Variants in PANK4 observed in about 807,000 individuals in gnomAD.
PANK4 encodes the protein 4'-phosphopantetheine phosphatase.
A neutral mutation model predicts 87.9 loss-of-function variants in PANK4; 40 were observed. That is an observed-to-expected ratio of 0.46 (90% confidence interval 0.35 to 0.59). PANK4 has a LOEUF of 0.59. PANK4 is among the 20% of genes least tolerant of loss of function. The probability of loss-of-function intolerance (pLI) is 0.00; values close to 1 mark genes in which losing one functional copy is unlikely to be tolerated. For missense variants in PANK4, 926 were observed against 1,072.3 expected (o/e 0.86, Z 1.90); for synonymous variants, 524 against 467.4 (o/e 1.12, Z -1.56).
intron 12 of PANK4, 42 bp from the exon 13 acceptor site, chr1:2,513,081 C>T: frequency 3.2e-6 from 5 of 1,551,106 alleles, no homozygotes; most frequent in Non-Finnish European, 4.4e-6. Flanking sequence ...GAAGACGTGG[C>T]CTCAGCCCAC....
In PANK4 at chr1:2,511,335, T is replaced by C. The variant is rs1233733202; in HGVS notation, c.1833+3A>G. The C allele has an allele frequency of 6.2e-7, 1 of 1,605,288 alleles. No individual in the cohort carries two copies. Among genetic ancestry groups the C allele is most frequent in the Admixed American group, 1.7e-5 (1 of 59,984 alleles). On this transcript the variant is annotated splice_donor_region_variant and intron_variant, in intron 15 of 18. Coordinates refer to ENST00000378466, the MANE Select transcript of PANK4 (RefSeq NM_018216.4). ...AGCAGAGGTGGGAGGCCCCTCCACA[T>C]ACCTTTAATCTCTGAAGCCACTCGC...
chr1:2,511,501 C>T, intron 14 of PANK4, 114 bp from the exon 15 acceptor site: 2 of 1,104,290 alleles, frequency 1.8e-6, no homozygotes, highest in Non-Finnish European at 2.8e-6. Flanking sequence ...CCCCCGAAGC[C>T]CAGCTGACAG....
rs187317207 is a variant in PANK4 at position 2,521,154 on chromosome 1, G to A, written c.369C>T (p.Thr123=). The A allele has an allele frequency of 1.5e-5, 24 of 1,613,964 alleles. No homozygotes were observed. The highest frequency in any genetic ancestry group is 8.3e-5 in the Admixed American group (5 of 60,032). The change falls in exon 3 of 19, where the codon ACC becomes ACT. Residue 123 remains threonine (T), a synonymous_variant. Transcript: ENST00000378466. ...VNTETKVIQA[T]GGGAYKFKDL... ...CTTTGAACTTGTAGGCCCCGCCCCC[G>A]GTCGCCTGGATGACCTTGGTCTCTG...
At chr1:2,522,167 C>T (rs1250947771) in intron 1 of PANK4, among the ~76,000 whole-genome samples, 1 of 152,214 alleles carries the variant, frequency 6.6e-6, no homozygotes, top group East Asian at 1.9e-4. Context: ...GCTAATGACC[C>T]AAAGCGATAA....
chr1:2,525,067 G>C (rs1166920630), intron 1 of PANK4, among the ~76,000 whole-genome samples: 1 of 152,160 alleles, frequency 6.6e-6, no homozygotes. Flanking sequence ...TGAAAGGTGG[G>C]AGCCAGGACC....
In PANK4 at chr1:2,509,548, GAC is replaced by G. The variant is rs1463936966; in HGVS notation, c.2108+312_2108+313del. 5.9e-5 allele frequency among the ~76,000 whole-genome samples: 9 copies of G among 152,328 alleles called. No homozygotes were observed. The highest frequency in any genetic ancestry group is 2.2e-4 in the African/African-American group (9 of 41,578). ...TGGCATCTATGTGGGACACGGAGGT[GAC>G]AGACACCGGGCAGCTGCCCAGGTCG... is the stretch of plus-strand genomic sequence containing the variant. On this transcript the variant is annotated intron_variant, in intron 18 of 18. Coordinates refer to ENST00000378466, the MANE Select transcript of PANK4 (RefSeq NM_018216.4). The surrounding 1 kb of genome is among the most constrained non-coding windows in gnomAD (Gnocchi z 4.9).
At position 2,511,538 on chromosome 1, in the gene PANK4, C is replaced by T. The variant is rs1643661817; in HGVS notation, c.1783+90G>A. ...GCCTTGAGCAGGGGAGGTGCCTGGA[C>T]CCCGACCGCAACTGCATTCGCTGTT... On this transcript the variant is annotated intron_variant, in intron 14 of 18. Transcript: ENST00000378466. 3.6e-6 allele frequency: 4 copies of T among 1,122,488 alleles called. No individual in the cohort carries two copies. In the East Asian group the frequency reaches 7.1e-5, roughly 20 times the overall value. 69.5% of individuals were successfully genotyped at this position (1,122,488 alleles called of 1,614,324 possible). A position where few individuals can be genotyped will look rare whatever the true frequency, so the allele number is the denominator to read the frequency against.
intron 1 of PANK4, among the ~76,000 whole-genome samples, chr1:2,524,502 T>C (rs552338692): frequency 2.6e-5 from 4 of 152,228 alleles, no homozygotes; most frequent in African/African-American, 7.2e-5. Flanking sequence ...GGGAGAAACT[T>C]TGAAGAGGGG....
chr1:2,517,699 T>A (rs1643806631), intron 9 of PANK4, among the ~76,000 whole-genome samples: 1 of 152,214 alleles, frequency 6.6e-6, no homozygotes, highest in South Asian at 2.1e-4. Context: ...ATCCAAGGAA[T>A]GAGCCGGGAC....
intron 11 of PANK4, 91 bp downstream of exon 11, chr1:2,514,263 G>A: frequency 8.4e-7 from 1 of 1,192,608 alleles, no homozygotes; most frequent in South Asian, 1.2e-5. Context: ...GCGAGCTGGG[G>A]TCCGAATGCC....
chr1:2,520,894 C>T lies in PANK4; in HGVS notation c.435G>A (p.Glu145=), dbSNP rs1643869382. Residue 145 remains glutamate, a synonymous_variant, in exon 4 of 19, where the codon GAG becomes GAA. Transcript: ENST00000378466. The surrounding 1 kb of genome is among the most constrained non-coding windows in gnomAD (Gnocchi z 6.2). ...CCTTAATCAGGCACGTCATCACGTC[C>T]TCCTTGTCGACTCTGAAAAGGAAGC... ...EEKLRLKVDK[E]DVMTCLIKGC... 6.4e-7 allele frequency: 1 copy of T among 1,550,464 alleles called. No homozygotes were observed. Among genetic ancestry groups the T allele is most frequent in the East Asian group, 2.3e-5 (1 of 44,388 alleles).
chr1:2,523,021 G>A (rs1369550923), intron 1 of PANK4, among the ~76,000 whole-genome samples: 1 of 150,498 alleles, frequency 6.6e-6, no homozygotes, highest in Non-Finnish European at 1.5e-5. Flanking sequence ...TTTCTTACAG[G>A]GCCTGACAAA....
chr1:2,511,607 A>G (rs1323898249), intron 14 of PANK4, 21 bp downstream of exon 14: 3 of 1,576,090 alleles, frequency 1.9e-6, no homozygotes, highest in Non-Finnish European at 2.6e-6. Flanking sequence ...GCAAGGCCCC[A>G]AGTTACTTGG....
In PANK4 at chr1:2,517,238, C is replaced by T. The variant is rs1001543455; in HGVS notation, c.1218+926G>A. The stretch of plus-strand genomic sequence containing the variant: ...CGGTGGGAAAGGCAGACCAGGGCTG[C>T]GGCCAGTGTGGTGCGTCTGTGCGAG... On this transcript the variant is annotated intron_variant, in intron 9 of 18. Coordinates refer to ENST00000378466, the MANE Select transcript of PANK4 (RefSeq NM_018216.4). Among the ~76,000 whole-genome samples, 8 of 152,338 alleles carry T rather than the reference C, an allele frequency of 5.3e-5. 1 individual carries two copies. The highest frequency in any genetic ancestry group is 1.9e-4 in the East Asian group (1 of 5,176).
At chr1:2,521,571 A>G (rs901065551) in intron 2 of PANK4, 147 bp downstream of exon 2, 4 of 777,508 alleles carry the variant, frequency 5.1e-6, no homozygotes, top group Non-Finnish European at 9.2e-6. Context: ...ACACGGCGGA[A>G]GGCAGGGGAG....
chr1:2,510,640 C>CCCAGGGGAAGGGCCCCA lies in PANK4; in HGVS notation c.1938+21_1938+37dup, dbSNP rs759653945. 4.0e-6 allele frequency: 5 copies of CCCAGGGGAAGGGCCCCA among 1,258,610 alleles called. No individual in the cohort carries two copies. Among genetic ancestry groups the CCCAGGGGAAGGGCCCCA allele is most frequent in the African/African-American group, 1.5e-5 (1 of 67,494 alleles). The allele number at this position is 1,258,610 out of a possible 1,614,324, so 78.0% of individuals were successfully genotyped here. Reference sequence around the variant, plus strand: ...GCCAACCCCACCGAGAGCAGAGAAGCCCAGGGGAAGGGCCCCACCCACCAC... The same window carrying CCCAGGGGAAGGGCCCCA: ...GCCAACCCCACCGAGAGCAGAGAAGCCCAGGGGAAGGGCCCCACCAGGGGAAGGGCCCCACCCACCAC... On this transcript the variant is annotated intron_variant, in intron 16 of 18. Coordinates refer to ENST00000378466, the MANE Select transcript of PANK4 (RefSeq NM_018216.4). This position sits in a 1 kb window ranked among gnomAD's most constrained non-coding sequence, Gnocchi z 4.9.
In PANK4 at chr1:2,513,005, C is replaced by A. The variant is rs781046430; in HGVS notation, c.1610G>T (p.Cys537Phe). The A allele has an allele frequency of 1.2e-6, 2 of 1,608,612 alleles. No individual in the cohort carries two copies. Among genetic ancestry groups the A allele is most frequent in the South Asian group, 1.1e-5 (1 of 90,942 alleles). ...CAGGGAGCGCACGACCCCGGGGAAG[C>A]ACCTCAGCGCCACGCCATTCTCCCG... ...KQRENGVALR[C>F]FPGVVRSLDA... The change falls in exon 13 of 19, where the codon TGC becomes TTC. Residue 537 changes from cysteine (C) to phenylalanine (F), a missense_variant. Cys to Phe is a radical substitution (Grantham distance 205). Coordinates refer to ENST00000378466, the MANE Select transcript of PANK4 (RefSeq NM_018216.4).
chr1:2,519,600 C>A lies in PANK4; in HGVS notation c.853+201G>T, dbSNP rs112840417. Among the ~76,000 whole-genome samples the A allele has an allele frequency of 7.0e-3, 1,061 of 152,340 alleles. 14 individuals are homozygous for A. Among genetic ancestry groups the A allele is most frequent in the African/African-American group, 0.024 (1,006 of 41,572 alleles). On this transcript the variant is annotated intron_variant, in intron 6 of 18. Coordinates refer to ENST00000378466, the MANE Select transcript of PANK4 (RefSeq NM_018216.4). The surrounding 1 kb of genome is among the most constrained non-coding windows in gnomAD (Gnocchi z 8.3). Reference sequence around the variant, plus strand: ...CTATTTTTTCTTCCAAAACCAAGACCGTGGCGTTTATCTGCCGACGTTCTG... The same window carrying A: ...CTATTTTTTCTTCCAAAACCAAGACAGTGGCGTTTATCTGCCGACGTTCTG...
Position 2,514,099 on chromosome 1 carries a change from G to C in PANK4, c.1488-10C>G, listed in dbSNP as rs1250830384. 4 of 1,606,762 alleles carry C rather than the reference G, an allele frequency of 2.5e-6. No homozygotes were observed. The highest frequency in any genetic ancestry group is 3.4e-6 in the Non-Finnish European group (4 of 1,174,742). On this transcript the variant is annotated splice_polypyrimidine_tract_variant and intron_variant, in intron 11 of 18. Transcript: ENST00000378466. ...CAGGGTCCCATAGGCGCTGGGGACA[G>C]ACACGGCAGAGGGCGCTGAGCAGGG...
Sources: allele counts gnomAD v4.1 joint callset (sites outside exome capture counted in the v4.1 genomes callset), GRCh38; gene constraint gnomAD v4.1.1; non-coding constraint Gnocchi (gnomAD v3.1); transcripts MANE v1.5; gene names NCBI Gene and HGNC (gene_info 2026-07-23, HGNC 2026-07-21).